Variants in NDST4 observed in about 807,000 individuals in gnomAD.
NDST4 encodes N-heparan sulfate sulfotransferase 4.
In NDST4, 63 loss-of-function variants were observed where a neutral mutation model predicts 100.8. The ratio of observed to expected loss-of-function variants is 0.62; its 90% CI spans 0.51 to 0.77. NDST4 has a LOEUF of 0.77. Among genes scored for constraint, NDST4 ranks in the 30% least tolerant of loss-of-function variants. The pLI, the probability that NDST4 is intolerant of heterozygous loss-of-function variation, is 0.00. For synonymous variants in NDST4, 377 were observed against 361.8 expected (o/e 1.04, Z -0.48); for missense variants, 943 against 1,018.4 (o/e 0.93, Z 1.01).
intron 2 of NDST4, among the ~76,000 whole-genome samples, chr4:114,980,773 T>C (rs761345766): frequency 1.3e-5 from 2 of 152,308 alleles, no homozygotes; most frequent in South Asian, 2.1e-4. Context: ...TTTTTTCTTT[T>C]ACTGCTTATG....
At chr4:114,884,160 G>A (rs1186588499) in intron 6 of NDST4, among the ~76,000 whole-genome samples, 1 of 152,022 alleles carries the variant, frequency 6.6e-6, no homozygotes, top group Non-Finnish European at 1.5e-5. Context: ...CAGAGCTGAC[G>A]CTGGACTTTG....
At chr4:114,834,501 G>A (rs28521255) in intron 11 of NDST4, among the ~76,000 whole-genome samples, 21,270 of 133,772 alleles carry the variant, frequency 0.16, 3,183 homozygotes, top group African/African-American at 0.4. Context: ...GTGATGGAGC[G>A]AGACTCCATC....
intron 6 of NDST4, among the ~76,000 whole-genome samples, chr4:114,933,440 T>TTTTTTTTTTTCC (rs1725557517): frequency 1.4e-5 from 2 of 139,772 alleles, no homozygotes; most frequent in African/African-American, 2.8e-5. Flanking sequence ...TCCTTTTTTT[T>TTTTTTTTTTTCC]TTTTTTTTTT....
intron 2 of NDST4, among the ~76,000 whole-genome samples, chr4:115,065,003 C>A (rs1245404129): frequency 6.6e-6 from 1 of 152,114 alleles, no homozygotes; most frequent in Non-Finnish European, 1.5e-5. Context: ...CTTCCAGCAT[C>A]TTTACCTCTG....
intron 2 of NDST4, among the ~76,000 whole-genome samples, chr4:115,060,267 T>G (rs993332070): frequency 6.6e-6 from 1 of 152,018 alleles, no homozygotes; most frequent in Admixed American, 6.6e-5. Flanking sequence ...TGAGCAACTC[T>G]CAGCAGAAAC....
intron 2 of NDST4, among the ~76,000 whole-genome samples, chr4:114,989,342 C>CT (rs1726985927): frequency 6.6e-6 from 1 of 152,128 alleles, no homozygotes; most frequent in African/African-American, 2.4e-5. Flanking sequence ...GACATTATTT[C>CT]TTTAATAAAG....
At chr4:114,983,879 G>A (rs1033127859) in intron 2 of NDST4, among the ~76,000 whole-genome samples, 13 of 152,038 alleles carry the variant, frequency 8.6e-5, no homozygotes, top group Non-Finnish European at 1.5e-4. Context: ...TAATGGTTTC[G>A]CACTATCCCC....
intron 6 of NDST4, among the ~76,000 whole-genome samples, chr4:114,878,192 T>G (rs935053473): frequency 6.6e-6 from 1 of 152,184 alleles, no homozygotes; most frequent in African/African-American, 2.4e-5. Flanking sequence ...ACTTCAGTTA[T>G]TGATCTTTCC....
intron 2 of NDST4, among the ~76,000 whole-genome samples, chr4:115,068,831 AAG>A (rs1729010014): frequency 6.6e-6 from 1 of 151,536 alleles, no homozygotes; most frequent in African/African-American, 2.4e-5. Flanking sequence ...AAAAAAAAAA[AAG>A]AAAAGAAAAA....
At chr4:115,033,560 T>G (rs1171194415) in intron 2 of NDST4, among the ~76,000 whole-genome samples, 1 of 152,082 alleles carries the variant, frequency 6.6e-6, no homozygotes, top group Non-Finnish European at 1.5e-5. Flanking sequence ...TGATTAATTG[T>G]GTGGAGTAAG....
chr4:114,954,752 A>G (rs1226027014), intron 4 of NDST4, among the ~76,000 whole-genome samples: 1 of 152,174 alleles, frequency 6.6e-6, no homozygotes, highest in Non-Finnish European at 1.5e-5. Context: ...TGTAATCTCC[A>G]GCGTTGGAGA....
intron 3 of NDST4, among the ~76,000 whole-genome samples, chr4:114,972,467 T>A (rs559186795): frequency 3.2e-4 from 49 of 152,134 alleles, no homozygotes; most frequent in African/African-American, 1.0e-3. Context: ...GCAGAGGATT[T>A]CTTAATTTTT....
At chr4:114,937,079 A>G (rs1289690363) in intron 5 of NDST4, among the ~76,000 whole-genome samples, 1 of 152,188 alleles carries the variant, frequency 6.6e-6, no homozygotes, top group African/African-American at 2.4e-5. Flanking sequence ...TCTATACATA[A>G]CTCATTCCTG....
chr4:114,874,659 G>A (rs1405548280), intron 6 of NDST4, among the ~76,000 whole-genome samples: 2 of 152,112 alleles, frequency 1.3e-5, no homozygotes, highest in African/African-American at 4.8e-5. Flanking sequence ...TTTAGTTTTA[G>A]CATTTCTGGG....
intron 6 of NDST4, among the ~76,000 whole-genome samples, chr4:114,929,108 C>G (rs926590960): frequency 1.1e-4 from 14 of 122,416 alleles, no homozygotes; most frequent in Admixed American, 3.2e-4. Flanking sequence ...ATCCATCCAT[C>G]CATCCATCTA....
At chr4:114,902,759 C>T (rs1217771564) in intron 6 of NDST4, among the ~76,000 whole-genome samples, 1 of 151,784 alleles carries the variant, frequency 6.6e-6, no homozygotes, top group Non-Finnish European at 1.5e-5. Flanking sequence ...TTTTTCTTTT[C>T]AGTCTCTTTT....
At chr4:115,070,290 T>A (rs116424090) in intron 2 of NDST4, among the ~76,000 whole-genome samples, 1 of 152,170 alleles carries the variant, frequency 6.6e-6, no homozygotes, top group African/African-American at 2.4e-5. Flanking sequence ...GAGGCCATTA[T>A]CCTTAGCAAA....
chr4:115,091,437 G>T (rs2126294997), intron 1 of NDST4, among the ~76,000 whole-genome samples: 1 of 152,070 alleles, frequency 6.6e-6, no homozygotes, highest in Non-Finnish European at 1.5e-5. Flanking sequence ...TGTACACCAT[G>T]GTTTAGATTA....
chr4:115,110,326 A>G (rs1169225651), intron 1 of NDST4, among the ~76,000 whole-genome samples: 1 of 151,978 alleles, frequency 6.6e-6, no homozygotes, highest in Non-Finnish European at 1.5e-5. Context: ...AAGGCTGGCT[A>G]GATGTTTTAT....
Sources: gnomAD v4.1 joint callset for allele counts (sites outside exome capture counted in the v4.1 genomes callset) on GRCh38, gnomAD v4.1.1 for gene constraint, MANE v1.5 for transcripts, NCBI Gene and HGNC (gene_info 2026-07-23, HGNC 2026-07-21) for gene names.